The following PCDHGA4 variants were observed in gnomAD, a reference collection of about 807,000 sequenced individuals.
The protein encoded by PCDHGA4 is protocadherin gamma subfamily A, 4, also known as protocadherin gamma-A4.
A neutral mutation model predicts 54.6 loss-of-function variants in PCDHGA4; 38 were observed. That is an observed-to-expected ratio of 0.70 (90% CI 0.54 to 0.91). The LOEUF is 0.91. Ranked by LOEUF, PCDHGA4 falls within the 40% of genes least tolerant of loss-of-function variation. The pLI, the probability that PCDHGA4 is intolerant of heterozygous loss-of-function variation, is 0.00. For missense variants in PCDHGA4, 1,298 were observed against 1,220.9 expected (o/e 1.06, Z -0.94); for synonymous variants, 511 against 512.9 (o/e 1.00, Z 0.05).
rs1203319140 is a variant in PCDHGA4, at chr5:141,357,321, T to C, written c.2214T>C (p.Phe738=). 3 of 1,613,998 alleles carry C rather than the reference T, an allele frequency of 1.9e-6. No individual in the cohort carries two copies. In the African/African-American group the frequency reaches 4.0e-5, roughly 22 times the overall value. The change falls in exon 1 of 4, where the codon TTT becomes TTC. Residue 738 remains phenylalanine (F), a synonymous_variant. Coordinates refer to ENST00000571252, the MANE Select transcript of PCDHGA4 (RefSeq NM_018917.4). ...VAAVSCVFLA[F]VTVLLALKLR... ...CTGTCTCCTGCGTCTTCCTGGCTTT[T>C]GTCACGGTGCTGCTAGCACTCAAGC...
At chr5:141,500,192 A>T (rs865941565) in intron 2 of PCDHGA4, among the ~76,000 whole-genome samples, 1 of 110,142 alleles carries the variant, frequency 9.1e-6, no homozygotes, top group Non-Finnish European at 2.0e-5. Context: ...ATTTTTATTT[A>T]TTTATTTATT....
At chr5:141,362,551 T>C (rs767580299) in intron 1 of PCDHGA4, 4 of 1,612,614 alleles carry the variant, frequency 2.5e-6, no homozygotes, top group Non-Finnish European at 3.4e-6. Flanking sequence ...AGATACTATT[T>C]TGAAGGTGAG....
intron 1 of PCDHGA4, among the ~76,000 whole-genome samples, chr5:141,452,648 GCTCCATCCACTGCA>G (rs2098746292): frequency 6.6e-6 from 1 of 151,930 alleles, no homozygotes; most frequent in African/African-American, 2.4e-5. Flanking sequence ...TTACTCATTT[GCTCCATCCACTGCA>G]CTCCAGCCTA....
In PCDHGA4 at chr5:141,445,206, A is replaced by G. The variant is rs1244524491; in HGVS notation, c.2515-49601A>G. On this transcript the variant is annotated intron_variant, in intron 1 of 3. Transcript: ENST00000571252. ...TTTTTATGTATTCTATATGCTTTTGAAAAGTAAGAGGTGCAAAGTGCTCTA... is the reference window on the plus strand; with the variant it reads ...TTTTTATGTATTCTATATGCTTTTGGAAAGTAAGAGGTGCAAAGTGCTCTA... 3.3e-5 allele frequency among the ~76,000 whole-genome samples: 5 copies of G among 152,182 alleles called. No individual in the cohort carries two copies. The East Asian group carries it at 7.7e-4, about 23-fold the overall frequency.
At chr5:141,497,214 G>C (rs929868102) in intron 2 of PCDHGA4, among the ~76,000 whole-genome samples, 2 of 152,138 alleles carry the variant, frequency 1.3e-5, no homozygotes, top group African/African-American at 4.8e-5. Flanking sequence ...TGTAATGGGG[G>C]GGGGAAGATC....
At chr5:141,371,173 C>T in intron 1 of PCDHGA4, 8 of 1,613,998 alleles carry the variant, frequency 5.0e-6, no homozygotes, top group Non-Finnish European at 6.8e-6. Context: ...GCTGGCTCCT[C>T]CGTATTAAAA....
chr5:141,397,953 C>A, intron 1 of PCDHGA4: 2 of 962,110 alleles, frequency 2.1e-6, no homozygotes. Flanking sequence ...CAGGGCAGCC[C>A]CAGCTCAGAC....
In PCDHGA4 at chr5:141,476,622, T is replaced by C. The variant is rs1480639256; in HGVS notation, c.2515-18185T>C. The C allele has an allele frequency of 6.2e-7, 1 of 1,614,238 alleles. No individual in the cohort carries two copies. The highest frequency in any genetic ancestry group is 2.2e-5 in the East Asian group (1 of 44,878). On this transcript the variant is annotated intron_variant, in intron 1 of 3. Transcript: ENST00000571252. This position sits in a 1 kb window ranked among gnomAD's most constrained non-coding sequence, Gnocchi z 7.6. ...GATCCCGATGTGGGAAGCAACTCTT[T>C]ACAAACCTATGAGCTGAGCCGAAAT...
rs1419985074 is a variant in PCDHGA4, at chr5:141,431,009, T to C, written c.2515-63798T>C. On this transcript the variant is annotated intron_variant, in intron 1 of 3. Transcript: ENST00000571252. The surrounding 1 kb of genome is among the most constrained non-coding windows in gnomAD (Gnocchi z 4.8). ...CGCCCTGAATCCGCGCAGCGGCAGC[T>C]TGGTCACGGCGGGCAGGATAGACCG... The C allele has an allele frequency of 3.7e-6, 6 of 1,613,884 alleles. No individual in the cohort carries two copies. Among genetic ancestry groups the C allele is most frequent in the Non-Finnish European group, 5.1e-6 (6 of 1,179,984 alleles).
chr5:141,371,864 C>T (rs751844207), intron 1 of PCDHGA4: 1 of 1,613,570 alleles, frequency 6.2e-7, no homozygotes, highest in South Asian at 1.1e-5. Context: ...TCTCCTACTA[C>T]ATCGTGGCCA....
At chr5:141,395,009 G>A (rs371216255) in intron 1 of PCDHGA4, 168 of 1,613,918 alleles carry the variant, frequency 1.0e-4, no homozygotes, top group Non-Finnish European at 1.4e-4. Flanking sequence ...GTGGCAGATT[G>A]GTAGGCGTGC....
At chr5:141,438,631 TATATACAC>T (rs1213304454) in intron 1 of PCDHGA4, among the ~76,000 whole-genome samples, 683 of 43,114 alleles carry the variant, frequency 0.016, 2 homozygotes, top group African/African-American at 0.049. Context: ...TATATATATA[TATATACAC>T]ACACACACAC....
chr5:141,402,867 C>A (rs996572604), intron 1 of PCDHGA4: 7 of 1,443,390 alleles, frequency 4.8e-6, no homozygotes, highest in Non-Finnish European at 6.4e-6. Context: ...AGGAAAAGAT[C>A]ACCATACTTT....
intron 1 of PCDHGA4, among the ~76,000 whole-genome samples, chr5:141,382,367 C>A (rs778668401): frequency 2.6e-5 from 4 of 151,894 alleles, no homozygotes; most frequent in Non-Finnish European, 5.9e-5. Context: ...TAAAATTTAC[C>A]TTTTTGCCTT....
intron 1 of PCDHGA4, chr5:141,413,899 A>G: frequency 1.2e-6 from 2 of 1,613,286 alleles, no homozygotes; most frequent in Non-Finnish European, 1.7e-6. Context: ...TGCAAATGAC[A>G]ACGCGCCGGT....
At chr5:141,399,670 GCCTTTGACTACGAGCAGCTGCGCA>G (rs758329241) in intron 1 of PCDHGA4, 2 of 1,613,610 alleles carry the variant, frequency 1.2e-6, no homozygotes, top group East Asian at 4.5e-5. Context: ...CGCGCAGCGC[GCCTTTGACTACGAGCAGCTGCGCA>G]CCTTCGAACT....
chr5:141,398,857 C>T (rs749773693), intron 1 of PCDHGA4: 15 of 1,613,800 alleles, frequency 9.3e-6, no homozygotes, highest in African/African-American at 1.3e-5. Flanking sequence ...GGTATTCAAC[C>T]GAGACGTGTA....
Position 141,489,806 on chromosome 5 carries a change from A to G in PCDHGA4, c.2515-5001A>G. 1 of 1,614,198 alleles carries G rather than the reference A, an allele frequency of 6.2e-7. No homozygotes were observed. Among genetic ancestry groups the G allele is most frequent in the South Asian group, 1.1e-5 (1 of 91,082 alleles). Reference sequence around the variant, plus strand: ...AATGTGAAGACCCTAAAAGATGGGAAGCCATTCCCAGAGCTGGTGCTAGAG... The same window carrying G: ...AATGTGAAGACCCTAAAAGATGGGAGGCCATTCCCAGAGCTGGTGCTAGAG... On this transcript the variant is annotated intron_variant, in intron 1 of 3. Coordinates refer to ENST00000571252, the MANE Select transcript of PCDHGA4 (RefSeq NM_018917.4). The surrounding 1 kb of genome is among the most constrained non-coding windows in gnomAD (Gnocchi z 4.5).
At chr5:141,376,756 G>A (rs1049941497) in intron 1 of PCDHGA4, 9 of 448,098 alleles carry the variant, frequency 2.0e-5, no homozygotes, top group African/African-American at 1.7e-4. Context: ...GCGCAATCTC[G>A]GCTCACTGCA....
Sources: gnomAD v4.1 joint callset for allele counts (sites outside exome capture counted in the v4.1 genomes callset) on GRCh38, gnomAD v4.1.1 for gene constraint, Gnocchi (gnomAD v3.1) non-coding constraint, MANE v1.5 for transcripts, NCBI Gene and HGNC (gene_info 2026-07-23, HGNC 2026-07-21) for gene names.